The following RNF166 variants were observed in gnomAD, a reference collection of about 807,000 sequenced individuals.
RNF166 encodes the protein ring finger protein 166.
A neutral mutation model predicts 29.4 loss-of-function variants in RNF166; 19 were observed. The ratio of observed to expected loss-of-function variants is 0.65; its 90% CI spans 0.45 to 0.95. The LOEUF (loss-of-function observed/expected upper bound fraction) is 0.95. RNF166 is among the 40% of genes least tolerant of loss of function. The probability of loss-of-function intolerance (pLI) is 0.00; values close to 1 mark genes in which losing one functional copy is unlikely to be tolerated. For synonymous variants in RNF166, 171 were observed against 134.5 expected, an observed-to-expected ratio of 1.27 and a Z score of -1.88; for missense variants, 347 against 322.1, an observed-to-expected ratio of 1.08 and a Z score of -0.59.
chr16:88,703,127 C>T (rs2142665769), intron 1 of RNF166: 3 of 985,532 alleles, frequency 3.0e-6, no homozygotes, highest in Non-Finnish European at 3.6e-6. Context: ...TCGTGGGGGT[C>T]CACTCACGCT....
intron 1 of RNF166, among the ~76,000 whole-genome samples, chr16:88,702,109 C>CGCACTCCGGGCTCCAGCA (rs1192698617): frequency 2.8e-5 from 4 of 141,508 alleles, no homozygotes; most frequent in Non-Finnish European, 6.2e-5. Context: ...CAGCCCCGTG[C>CGCACTCCGGGCTCCAGCA]GCACTCCGGG....
At chr16:88,699,788 T>G (rs535208595) in intron 2 of RNF166, 56 bp from the exon 3 acceptor site, 2 of 1,361,852 alleles carry the variant, frequency 1.5e-6, no homozygotes, top group Admixed American at 3.8e-5. Flanking sequence ...AGGGCCGTCC[T>G]GGGGAGGCCG....
intron 2 of RNF166, chr16:88,701,013 C>G (rs984154759): frequency 1.5e-6 from 2 of 1,368,118 alleles, no homozygotes; most frequent in African/African-American, 1.5e-5. Context: ...TCCCCTGGCC[C>G]GGGCTAGGCG....
rs539053436 is a variant in RNF166, at chr16:88,696,867, C to A, written c.*701G>T. 3.4e-6 allele frequency: 1 copy of A among 290,856 alleles called. No homozygotes were observed. The highest frequency in any genetic ancestry group is 3.0e-5 in the South Asian group (1 of 33,894). 18.0% of individuals were successfully genotyped at this position (290,856 alleles called of 1,614,324 possible). ...TGGGTGGCCAGGGCAGACCCCACAGCAGACCCCATGGCTCGCCTGAGCTCT... is the reference window on the plus strand; with the variant it reads ...TGGGTGGCCAGGGCAGACCCCACAGAAGACCCCATGGCTCGCCTGAGCTCT... On this transcript the variant is annotated 3_prime_UTR_variant, in exon 6 of 6. Coordinates refer to ENST00000312838, the MANE Select transcript of RNF166 (RefSeq NM_178841.4).
intron 1 of RNF166, 34 bp downstream of exon 1, chr16:88,706,137 C>A: frequency 8.7e-7 from 1 of 1,143,126 alleles, no homozygotes; most frequent in Non-Finnish European, 1.1e-6. Context: ...GGGGCACGGC[C>A]CCCTCCCCGC....
rs965273568 is a variant in RNF166, at chr16:88,704,481, A to G, written c.155+1690T>C. On this transcript the variant is annotated intron_variant, in intron 1 of 5. Coordinates refer to ENST00000312838, the MANE Select transcript of RNF166 (RefSeq NM_178841.4). ...CTGCATTCTGTGTTATGGAAACTACATTTTAGGAAAAGACATATTTGAAAA... is the reference window on the plus strand; with the variant it reads ...CTGCATTCTGTGTTATGGAAACTACGTTTTAGGAAAAGACATATTTGAAAA... 12 of 985,414 alleles carry G rather than the reference A, an allele frequency of 1.2e-5. No individual in the cohort carries two copies. The African/African-American group carries it at 1.4e-4, about 11-fold the overall frequency. 61.0% of individuals were successfully genotyped at this position (985,414 alleles called of 1,614,324 possible). A position where few individuals can be genotyped will look rare whatever the true frequency, so the allele number is the denominator to read the frequency against.
In RNF166 at chr16:88,698,514, G is replaced by A. The variant is rs534009735; in HGVS notation, c.636C>T (p.Tyr212=). The change falls in exon 5 of 6, where the codon TAC becomes TAT. Residue 212 remains tyrosine (Y), a synonymous_variant. Coordinates refer to ENST00000312838, the MANE Select transcript of RNF166 (RefSeq NM_178841.4). ...GCGGGATGCCTACCACAAAGGTGTC[G>A]TAGGAGAACTTGTGTCGGTGAAGCA... ...QHLLHRHKFS[Y]DTFVDYSIDE... 100 of 1,569,142 alleles carry A rather than the reference G, an allele frequency of 6.4e-5. No homozygotes were observed. Among genetic ancestry groups the A allele is most frequent in the African/African-American group, 2.3e-4 (17 of 73,746 alleles).
chr16:88,701,768 C>T (rs1206486429), intron 1 of RNF166: 1 of 262,986 alleles, frequency 3.8e-6, no homozygotes, highest in Non-Finnish European at 7.3e-6. Flanking sequence ...GGCGACAACA[C>T]CTGGGTGGGC....
rs1309591083 is a variant in RNF166, at chr16:88,701,642, C to A, written c.156-224G>T. 3 of 500,086 alleles carry A rather than the reference C, an allele frequency of 6.0e-6. No individual in the cohort carries two copies. In the South Asian group the frequency reaches 9.0e-5, roughly 15 times the overall value. 31.0% of individuals were successfully genotyped at this position (500,086 alleles called of 1,614,324 possible). On this transcript the variant is annotated intron_variant, in intron 1 of 5. Transcript: ENST00000312838. ...GGCCCCGGTCCCTCCTGACAGTAGG[C>A]CCCTGTGGTTTCTGGCTAGCGGCAG...
In RNF166 at chr16:88,701,777, G is replaced by C. The variant is rs1319639943; in HGVS notation, c.156-359C>G. 1.6e-5 allele frequency: 4 copies of C among 250,370 alleles called. No individual in the cohort carries two copies. The East Asian group carries it at 3.2e-4, about 20-fold the overall frequency. The allele number at this position is 250,370 out of a possible 1,614,324, so 15.5% of individuals were successfully genotyped here. On this transcript the variant is annotated intron_variant, in intron 1 of 5. Coordinates refer to ENST00000312838, the MANE Select transcript of RNF166 (RefSeq NM_178841.4). ...TCACGTGGCGACAACACCTGGGTGG[G>C]CTGTGGGGCGCAGGGACAGCCCGGG...
In RNF166 at chr16:88,696,940, C is replaced by T. The variant is rs1206284619; in HGVS notation, c.*628G>A. The T allele has an allele frequency of 1.0e-5, 2 of 197,286 alleles. No individual in the cohort carries two copies. The highest frequency in any genetic ancestry group is 4.8e-5 in the African/African-American group (2 of 41,720). The allele number at this position is 197,286 out of a possible 1,614,324, so 12.2% of individuals were successfully genotyped here. A position where few individuals can be genotyped will look rare whatever the true frequency, so the allele number is the denominator to read the frequency against. ...CCATCCTTGCCCCAATCCCCCAATG[C>T]TTGTTTTGATTGTTTTCTTAAAAAA... On this transcript the variant is annotated 3_prime_UTR_variant, in exon 6 of 6. Coordinates refer to ENST00000312838, the MANE Select transcript of RNF166 (RefSeq NM_178841.4).
In RNF166 at chr16:88,701,202, G is replaced by C. The variant is rs1350895006; in HGVS notation, c.312+60C>G. On this transcript the variant is annotated intron_variant, in intron 2 of 5. Transcript: ENST00000312838. ...CCGGCCCCCACCCTCTGCAGAACCC[G>C]TGGGCTGAGGCTGCCCATCAAGTGA... 8 of 1,595,822 alleles carry C rather than the reference G, an allele frequency of 5.0e-6. No individual in the cohort carries two copies. In the East Asian group the frequency reaches 1.1e-4, roughly 22 times the overall value.
At chr16:88,698,061 A>G (rs1044014714) in intron 5 of RNF166, 6 of 556,418 alleles carry the variant, frequency 1.1e-5, no homozygotes, top group African/African-American at 3.8e-5. Context: ...GAGGGGCCGC[A>G]CCAGGAGTGA....
intron 1 of RNF166, chr16:88,703,368 G>A (rs1910460599): frequency 1.0e-6 from 1 of 985,484 alleles, no homozygotes; most frequent in Non-Finnish European, 1.2e-6. Flanking sequence ...ACGGGCTGAG[G>A]GGAAGGAAAA....
rs189939521 is a variant in RNF166 at position 88,704,363 on chromosome 16, C to T, written c.155+1808G>A. On this transcript the variant is annotated intron_variant, in intron 1 of 5. Coordinates refer to ENST00000312838, the MANE Select transcript of RNF166 (RefSeq NM_178841.4). ...GGCTGTGTGAAAAGCTCTTGCAGGA[C>T]CCGCGGTGAGACTAGGATGGTCGTC... 607 of 985,356 alleles carry T rather than the reference C, an allele frequency of 6.2e-4. 4 individuals carry two copies. The African/African-American group carries it at 9.8e-3, about 16-fold the overall frequency. The allele number at this position is 985,356 out of a possible 1,614,324, so 61.0% of individuals were successfully genotyped here. A position where few individuals can be genotyped will look rare whatever the true frequency, so the allele number is the denominator to read the frequency against.
At position 88,698,570 on chromosome 16, in the gene RNF166, TG is replaced by T; in HGVS notation, c.579del (p.Ser194AlafsTer77). On this transcript the variant is annotated frameshift_variant, in exon 5 of 6. Coordinates refer to ENST00000312838, the MANE Select transcript of RNF166 (RefSeq NM_178841.4). LOFTEE classifies it high-confidence loss of function. Reference protein sequence around the residue: ...PICSAMPWGDPSYKSANFLQH... With the variant: ...PICSAMPWGDXSYKSANFLQH... ...TGCAGGAAGTTGGCGCTCTTGTAGCTGGGGTCCCCCCAGGGCATTGCCGAGC... is the reference window on the plus strand; with the variant it reads ...TGCAGGAAGTTGGCGCTCTTGTAGCTGGGTCCCCCCAGGGCATTGCCGAGC... 1 of 1,565,816 alleles carries T rather than the reference TG, an allele frequency of 6.4e-7. No individual in the cohort carries two copies. Among genetic ancestry groups the T allele is most frequent in the Non-Finnish European group, 8.7e-7 (1 of 1,155,306 alleles).
rs1909696114 is a variant in RNF166, at chr16:88,697,018, A to G, written c.*550T>C. 5.3e-6 allele frequency: 1 copy of G among 189,878 alleles called. No individual in the cohort carries two copies. The highest frequency in any genetic ancestry group is 1.1e-5 in the Non-Finnish European group (1 of 90,702). The allele number at this position is 189,878 out of a possible 1,614,324, so 11.8% of individuals were successfully genotyped here. ...TACTATTATTCCTAGTCAAACACAG[A>G]TATTGCAATATGAAGAGTAACTGCT... On this transcript the variant is annotated 3_prime_UTR_variant, in exon 6 of 6. Coordinates refer to ENST00000312838, the MANE Select transcript of RNF166 (RefSeq NM_178841.4).
At chr16:88,700,177 G>A in intron 2 of RNF166, 1 of 154,452 alleles carries the variant, frequency 6.5e-6, no homozygotes, top group South Asian at 1.8e-4. Flanking sequence ...CCACTGTCCA[G>A]GGCAACAGGC....
intron 2 of RNF166, chr16:88,700,946 T>C (rs986254426): frequency 3.7e-5 from 44 of 1,192,672 alleles, no homozygotes; most frequent in Admixed American, 1.3e-4. Context: ...GAAGGCTGCA[T>C]TGGGAAGGTT....
Sources: gnomAD v4.1 joint callset for allele counts (sites outside exome capture counted in the v4.1 genomes callset) on GRCh38, gnomAD v4.1.1 for gene constraint, MANE v1.5 for transcripts, NCBI Gene and HGNC (gene_info 2026-07-23, HGNC 2026-07-21) for gene names.